NRXN1: variants seen among roughly 807,000 people sequenced by gnomAD.
NRXN1 encodes the protein neurexin-1.
Under a neutral mutation model 150.9 loss-of-function variants are expected in NRXN1, and 39 were observed. That is an observed-to-expected ratio of 0.26 (90% CI 0.20 to 0.34). The LOEUF is 0.34. NRXN1 is among the 10% of genes least tolerant of loss of function. NRXN1 has a pLI of 1.00. For synonymous variants in NRXN1, 924 were observed against 757.0 expected, an observed-to-expected ratio of 1.22 and a Z score of -3.62; for missense variants, 1,815 against 1,949.9, an observed-to-expected ratio of 0.93 and a Z score of 1.30.
At chr2:50,124,084 A>G (rs948088714) in intron 18 of NRXN1, among the ~76,000 whole-genome samples, 3 of 152,046 alleles carry the variant, frequency 2.0e-5, no homozygotes, top group African/African-American at 7.2e-5. Flanking sequence ...AGAACCAGAG[A>G]AGGAGACCAA....
chr2:49,942,981 A>C (rs1672270934), intron 22 of NRXN1, among the ~76,000 whole-genome samples: 1 of 152,228 alleles, frequency 6.6e-6, no homozygotes, highest in Non-Finnish European at 1.5e-5. Context: ...AATGGAAATG[A>C]GCCTAACACT....
chr2:50,524,564 G>C (rs1401272581), intron 12 of NRXN1, among the ~76,000 whole-genome samples: 5 of 151,670 alleles, frequency 3.3e-5, no homozygotes, highest in Admixed American at 6.6e-5. Context: ...CAGTGAACAA[G>C]AAGGTCATTC....
chr2:50,913,847 G>T (rs866155454), intron 5 of NRXN1, among the ~76,000 whole-genome samples: 1 of 151,612 alleles, frequency 6.6e-6, no homozygotes, highest in Admixed American at 6.6e-5. Context: ...TCCCGAAAAT[G>T]GTAGCTATTA....
intron 5 of NRXN1, among the ~76,000 whole-genome samples, chr2:50,808,147 G>A (rs1667746854): frequency 1.3e-5 from 2 of 152,050 alleles, no homozygotes; most frequent in Non-Finnish European, 2.9e-5. Flanking sequence ...ATGTCAGTTA[G>A]TGAAAGTAAG....
intron 2 of NRXN1, among the ~76,000 whole-genome samples, chr2:50,926,229 C>A (rs1158648068): frequency 2.0e-5 from 3 of 151,940 alleles, no homozygotes; most frequent in African/African-American, 7.2e-5. Flanking sequence ...CAGTATAAAG[C>A]AAACATTATT....
At chr2:50,564,736 G>C (rs958852821) in intron 8 of NRXN1, among the ~76,000 whole-genome samples, 7 of 152,134 alleles carry the variant, frequency 4.6e-5, no homozygotes, top group African/African-American at 1.7e-4. Flanking sequence ...AAAAAGTATA[G>C]AGACCCCAGG....
At chr2:50,818,457 A>C (rs1488997054) in intron 5 of NRXN1, among the ~76,000 whole-genome samples, 1 of 151,774 alleles carries the variant, frequency 6.6e-6, no homozygotes, top group Admixed American at 6.6e-5. Flanking sequence ...TTAATTTTTT[A>C]TTTTTTTATT....
chr2:50,976,641 C>T (rs1695887872), intron 2 of NRXN1, among the ~76,000 whole-genome samples: 1 of 151,794 alleles, frequency 6.6e-6, no homozygotes, highest in South Asian at 2.1e-4. Flanking sequence ...AATACACCAC[C>T]TCTGTAATGT....
At position 50,053,348 on chromosome 2, in the gene NRXN1, T is replaced by G. The variant is rs1472531577; in HGVS notation, c.4051A>C (p.Ile1351Leu). The G allele has an allele frequency of 2.5e-6, 4 of 1,614,046 alleles. No homozygotes were observed. The African/African-American group carries it at 5.3e-5, about 22-fold the overall frequency. ...GCCAGGGTCGTGGTAGTCTCCATAA[T>G]TGATGTGGACATCTCTGATTGCATG... ...TAMQSEMSTS[I>L]METTTTLATS... The change falls in exon 21 of 23, where the codon ATT becomes CTT. Residue 1351 changes from isoleucine to leucine, a missense_variant. This residue lies in a region of NRXN1 where 265 missense variants were observed against 307.1 expected (regional missense o/e 0.86). Coordinates refer to ENST00000401669, the MANE Select transcript of NRXN1 (RefSeq NM_001330078.2).
intron 8 of NRXN1, among the ~76,000 whole-genome samples, chr2:50,571,033 G>C (rs1343431891): frequency 6.6e-6 from 1 of 152,114 alleles, no homozygotes; most frequent in African/African-American, 2.4e-5. Context: ...AAAACTCTTT[G>C]AGAAGCAGGT....
chr2:50,619,975 T>C, intron 8 of NRXN1, 47 bp downstream of exon 8: 1 of 1,477,042 alleles, frequency 6.8e-7, no homozygotes, highest in African/African-American at 1.4e-5. Flanking sequence ...GGATCTGAAA[T>C]GATGAGACCA....
intron 2 of NRXN1, among the ~76,000 whole-genome samples, chr2:50,981,391 G>C: frequency 7.2e-6 from 1 of 139,764 alleles, no homozygotes; most frequent in East Asian, 2.3e-4. Flanking sequence ...GCAGGAGGCA[G>C]AGGTTGCAGT....
intron 5 of NRXN1, among the ~76,000 whole-genome samples, chr2:50,916,206 T>C (rs200066779): frequency 6.6e-6 from 1 of 151,022 alleles, no homozygotes; most frequent in East Asian, 2.0e-4. Flanking sequence ...GATAGTTATT[T>C]TGGTTCAAAA....
At chr2:50,613,742 T>C (rs985531602) in intron 8 of NRXN1, among the ~76,000 whole-genome samples, 6 of 152,108 alleles carry the variant, frequency 3.9e-5, no homozygotes, top group African/African-American at 1.4e-4. Context: ...ATCCAGACCA[T>C]ACTGGCTAAC....
chr2:50,736,495 T>G (rs1002947436), intron 5 of NRXN1, among the ~76,000 whole-genome samples: 1 of 152,164 alleles, frequency 6.6e-6, no homozygotes, highest in Admixed American at 6.5e-5. Flanking sequence ...TATCTTGAAT[T>G]GCAGCTCCCA....
intron 19 of NRXN1, among the ~76,000 whole-genome samples, chr2:50,079,500 C>T (rs917796229): frequency 4.0e-5 from 6 of 151,762 alleles, no homozygotes; most frequent in African/African-American, 7.3e-5. Context: ...TTGCTCTAGG[C>T]GAATTTTCTT....
intron 2 of NRXN1, among the ~76,000 whole-genome samples, chr2:50,978,222 T>C (rs1249789225): frequency 6.9e-6 from 1 of 144,314 alleles, no homozygotes; most frequent in Non-Finnish European, 1.5e-5. Context: ...TTAAAACTTA[T>C]TCTTATACAT....
At chr2:49,965,499 C>G (rs1425242636) in intron 21 of NRXN1, among the ~76,000 whole-genome samples, 1 of 152,018 alleles carries the variant, frequency 6.6e-6, no homozygotes, top group Non-Finnish European at 1.5e-5. Context: ...AACTCCTGAC[C>G]TCAGGCGATC....
At chr2:50,398,482 A>G (rs937744378) in intron 17 of NRXN1, among the ~76,000 whole-genome samples, 3 of 151,526 alleles carry the variant, frequency 2.0e-5, no homozygotes, top group Non-Finnish European at 4.4e-5. Context: ...TGTTAGGCAG[A>G]GAAAAAAAAC....
Sources: allele counts gnomAD v4.1 joint callset (sites outside exome capture counted in the v4.1 genomes callset), GRCh38; gene constraint gnomAD v4.1.1; regional missense constraint gnomAD v4.1.1; transcripts MANE v1.5; gene names NCBI Gene and HGNC (gene_info 2026-07-23, HGNC 2026-07-21).